Variants in SNTG2 observed in about 807,000 individuals in gnomAD.
SNTG2 encodes the protein gamma-2-syntrophin.
Under a neutral mutation model 70.9 loss-of-function variants are expected in SNTG2, and 74 were observed. The observed-to-expected ratio is 1.04, with a 90% CI of 0.86 to 1.27. The LOEUF is 1.27. Ranked by LOEUF, SNTG2 falls within the 50% of genes most tolerant of loss-of-function variation. The probability of loss-of-function intolerance (pLI) is 0.00; values close to 1 mark genes in which losing one functional copy is unlikely to be tolerated. For synonymous variants in SNTG2, 278 were observed against 273.8 expected (o/e 1.02, Z -0.15); for missense variants, 717 against 690.7 (o/e 1.04, Z -0.43).
chr2:1,268,476 C>T (rs1678864605), intron 14 of SNTG2, among the ~76,000 whole-genome samples: 1 of 152,168 alleles, frequency 6.6e-6, no homozygotes, highest in African/African-American at 2.4e-5. Context: ...TCTTAGTCCA[C>T]AGAATGAAGT....
intron 1 of SNTG2, among the ~76,000 whole-genome samples, chr2:978,142 A>C (rs1660975408): frequency 6.6e-6 from 1 of 152,198 alleles, no homozygotes; most frequent in Non-Finnish European, 1.5e-5. Context: ...TGGCCAGTGA[A>C]GGCGAGAGGG....
At chr2:1,233,630 A>T (rs1219809863) in intron 9 of SNTG2, among the ~76,000 whole-genome samples, 3 of 152,258 alleles carry the variant, frequency 2.0e-5, no homozygotes, top group African/African-American at 7.2e-5. Flanking sequence ...TGGAGACCTG[A>T]GCACGTAACT....
intron 4 of SNTG2, among the ~76,000 whole-genome samples, chr2:1,104,956 C>T (rs1488712131): frequency 6.6e-6 from 1 of 152,166 alleles, no homozygotes; most frequent in Non-Finnish European, 1.5e-5. Flanking sequence ...GGGCACCACC[C>T]CTGAAGAAGC....
intron 1 of SNTG2, among the ~76,000 whole-genome samples, chr2:1,024,420 A>G (rs961653803): frequency 7.9e-5 from 12 of 152,192 alleles, no homozygotes; most frequent in African/African-American, 2.7e-4. Context: ...CCCAGGCTGG[A>G]GTGCAGTGGC....
At chr2:1,082,130 G>A (rs184744730) in intron 1 of SNTG2, among the ~76,000 whole-genome samples, 214 of 152,290 alleles carry the variant, frequency 1.4e-3, no homozygotes, top group Non-Finnish European at 2.1e-3. Flanking sequence ...GCGATGGTCT[G>A]TGGTTCCCAT....
chr2:1,049,909 C>T (rs111915240), intron 1 of SNTG2, among the ~76,000 whole-genome samples: 2,345 of 152,286 alleles, frequency 0.015, 28 homozygotes, highest in Non-Finnish European at 0.024. Flanking sequence ...TGAATATCTT[C>T]CCATATGCTT....
At chr2:1,240,590 C>T (rs997705478) in intron 11 of SNTG2, among the ~76,000 whole-genome samples, 4 of 152,158 alleles carry the variant, frequency 2.6e-5, no homozygotes, top group East Asian at 1.9e-4. Context: ...AAAACATGTT[C>T]GCTTTGCTTT....
chr2:1,036,576 C>T (rs938178685), intron 1 of SNTG2, among the ~76,000 whole-genome samples: 17 of 152,220 alleles, frequency 1.1e-4, no homozygotes, highest in African/African-American at 3.6e-4. Context: ...GTTTCTATGG[C>T]AGGTTATTTT....
intron 8 of SNTG2, among the ~76,000 whole-genome samples, chr2:1,191,948 T>C (rs59591151): frequency 0.046 from 7,006 of 152,174 alleles, 270 homozygotes; most frequent in East Asian, 0.21. Context: ...AAAATGTAGC[T>C]GATAGAAAAG....
intron 2 of SNTG2, among the ~76,000 whole-genome samples, chr2:1,093,705 G>A (rs1665184068): frequency 6.6e-6 from 1 of 152,192 alleles, no homozygotes; most frequent in Non-Finnish European, 1.5e-5. Flanking sequence ...AACCACCTTG[G>A]TATTTTTGTT....
rs1490068692 is a variant in SNTG2 at position 1,294,101 on chromosome 2, A to G, written c.1285-14393A>G. On this transcript the variant is annotated intron_variant, in intron 14 of 16. Transcript: ENST00000308624. The stretch of plus-strand genomic sequence containing the variant: ...CTCCACCACTCTGCATACCCCTGCA[A>G]TCTCACCCTCTCCAGATCGTCTGTC... 2.0e-5 allele frequency among the ~76,000 whole-genome samples: 3 copies of G among 152,144 alleles called. No homozygotes were observed. The East Asian group carries it at 5.8e-4, about 29-fold the overall frequency.
chr2:1,124,342 T>A (rs1236868139), intron 4 of SNTG2, among the ~76,000 whole-genome samples: 1 of 147,454 alleles, frequency 6.8e-6, no homozygotes. Context: ...TTGCCCAGGC[T>A]GGAGTGCAGT....
At position 1,125,166 on chromosome 2, in the gene SNTG2, T is replaced by A. The variant is rs6548190; in HGVS notation, c.326-12456T>A. Among the ~76,000 whole-genome samples, 391 of 152,016 alleles carry A rather than the reference T, an allele frequency of 2.6e-3. 4 individuals are homozygous for A. Among genetic ancestry groups the A allele is most frequent in the African/African-American group, 9.1e-3 (379 of 41,456 alleles). On this transcript the variant is annotated intron_variant, in intron 4 of 16. Coordinates refer to ENST00000308624, the MANE Select transcript of SNTG2 (RefSeq NM_018968.4). ...ACCTTCAAATTATGTTAAATAAAAC[T>A]TTTTATTTAAAAGTCTTCATTTTAA...
At chr2:1,140,455 T>C (rs1274853466) in intron 6 of SNTG2, among the ~76,000 whole-genome samples, 4 of 152,038 alleles carry the variant, frequency 2.6e-5, no homozygotes, top group African/African-American at 9.7e-5. Context: ...GTGACATCCC[T>C]GCGCAGACAC....
intron 4 of SNTG2, among the ~76,000 whole-genome samples, chr2:1,134,869 C>T (rs1042427815): frequency 1.2e-4 from 19 of 152,290 alleles, no homozygotes; most frequent in African/African-American, 2.9e-4. Context: ...CCCTGCCCCG[C>T]GGGGAGGCAG....
Position 1,162,029 on chromosome 2 carries a change from G to C in SNTG2, c.412-3519G>C, listed in dbSNP as rs577169967. On this transcript the variant is annotated intron_variant, in intron 6 of 16. Transcript: ENST00000308624. ...GCGGAGCTTGCAGTGGGCCCAGATG[G>C]CGCCACTGCACTCCAGCCTGGGCGA... Among the ~76,000 whole-genome samples, 806 of 139,602 alleles carry C rather than the reference G, an allele frequency of 5.8e-3. 6 individuals are homozygous for C. The highest frequency in any genetic ancestry group is 0.017 in the African/African-American group (639 of 37,010). 91.6% of individuals were successfully genotyped at this position (139,602 alleles called of 152,430 possible). A position where few individuals can be genotyped will look rare whatever the true frequency, so the allele number is the denominator to read the frequency against.
intron 1 of SNTG2, among the ~76,000 whole-genome samples, chr2:1,024,291 C>A (rs1389438204): frequency 6.6e-6 from 1 of 152,202 alleles, no homozygotes; most frequent in Non-Finnish European, 1.5e-5. Context: ...CTAAGCCATA[C>A]ATGATGTGAT....
intron 4 of SNTG2, among the ~76,000 whole-genome samples, chr2:1,099,313 T>C (rs1456927020): frequency 6.6e-6 from 1 of 152,136 alleles, no homozygotes; most frequent in Non-Finnish European, 1.5e-5. Flanking sequence ...CGGGTGGCCT[T>C]ATGACCTCAT....
intron 16 of SNTG2, among the ~76,000 whole-genome samples, chr2:1,316,983 T>C (rs1316168475): frequency 8.6e-6 from 1 of 116,050 alleles, no homozygotes; most frequent in Non-Finnish European, 1.8e-5. Flanking sequence ...TTGGAGAAGG[T>C]TGGGATTCTG....
Sources: allele counts gnomAD v4.1 joint callset (sites outside exome capture counted in the v4.1 genomes callset), GRCh38; gene constraint gnomAD v4.1.1; transcripts MANE v1.5; gene names NCBI Gene and HGNC (gene_info 2026-07-23, HGNC 2026-07-21).